RIF1: variants seen among roughly 807,000 people sequenced by gnomAD.
RIF1 encodes replication timing regulatory factor 1.
A neutral mutation model predicts 247.1 loss-of-function variants in RIF1; 45 were observed. The ratio of observed to expected loss-of-function variants is 0.18; its 90% CI spans 0.14 to 0.23. The LOEUF is 0.23. Among genes scored for constraint, RIF1 ranks in the 10% least tolerant of loss-of-function variants. The pLI is 1.00. For synonymous variants in RIF1, 1,087 were observed against 978.8 expected, an observed-to-expected ratio of 1.11 and a Z score of -2.06; for missense variants, 2,967 against 2,862.5, an observed-to-expected ratio of 1.04 and a Z score of -0.83.
chr2:151,420,505 G>A, intron 7 of RIF1, 126 bp downstream of exon 7: 1 of 840,356 alleles, frequency 1.2e-6, no homozygotes, highest in Non-Finnish European at 1.8e-6. Flanking sequence ...GGAGGCTGAG[G>A]TGGGAGGATT....
the RIF1 span, chr2:151,527,599 G>A: frequency 6.3e-7 from 1 of 1,589,564 alleles, no homozygotes; most frequent in Non-Finnish European, 8.6e-7. Context: ...TTTTTAACAG[G>A]AGAGAAAGGA....
At chr2:151,493,244 T>C (rs2057947794) in intron 9 of RIF1, 3 of 882,828 alleles carry the variant, frequency 3.4e-6, no homozygotes, top group South Asian at 1.7e-5. Flanking sequence ...ATTTTTCTCT[T>C]TTAAAATTTT....
intron 3 of RIF1, 56 bp downstream of exon 3, chr2:151,411,394 T>G: frequency 8.1e-7 from 1 of 1,230,872 alleles, no homozygotes; most frequent in Non-Finnish European, 1.2e-6. Context: ...TTTTTTTTTT[T>G]GGTTTTGTTT....
the RIF1 span, chr2:151,526,320 T>C: frequency 8.7e-7 from 1 of 1,145,482 alleles, no homozygotes; most frequent in South Asian, 1.3e-5. Flanking sequence ...TACATATTTT[T>C]ATTACACCCT....
At chr2:151,417,339 A>G (rs1287046046) in intron 6 of RIF1, among the ~76,000 whole-genome samples, 1 of 152,080 alleles carries the variant, frequency 6.6e-6, no homozygotes, top group Non-Finnish European at 1.5e-5. Flanking sequence ...CTTTGATGAC[A>G]TTTCTGTCTT....
intron 7 of RIF1, among the ~76,000 whole-genome samples, chr2:151,422,625 G>A (rs938454817): frequency 4.6e-5 from 7 of 151,566 alleles, no homozygotes; most frequent in South Asian, 2.1e-4. Flanking sequence ...TCAGCCTCCC[G>A]AGTAGCAGGA....
the RIF1 span, among the ~76,000 whole-genome samples, chr2:151,514,068 A>G: frequency 6.6e-6 from 1 of 151,894 alleles, no homozygotes. Context: ...AAATATATCA[A>G]GTTAAATCAA....
intron 12 of RIF1, among the ~76,000 whole-genome samples, chr2:151,503,675 T>A (rs1460624257): frequency 1.3e-5 from 2 of 152,176 alleles, no homozygotes; most frequent in African/African-American, 4.8e-5. Flanking sequence ...TGTAACCACT[T>A]AGTGCATGCC....
At chr2:151,497,948 T>C in intron 10 of RIF1, 3 of 1,427,926 alleles carry the variant, frequency 2.1e-6, no homozygotes, top group Admixed American at 5.9e-5. Flanking sequence ...ATCCATGTTA[T>C]TTTTTTTCAT....
Position 151,468,458 on chromosome 2 carries a change from C to G in RIF1, c.6748-16C>G. On this transcript the variant is annotated splice_polypyrimidine_tract_variant and intron_variant, in intron 31 of 35. Coordinates refer to ENST00000444746, the MANE Select transcript of RIF1 (RefSeq NM_018151.5). ...TAGGGTTCTGAGTGTTTTTTTCTCT[C>G]CTTTCTTCTATCTAGCATAATACCA... 6.3e-7 allele frequency: 1 copy of G among 1,597,852 alleles called. No homozygotes were observed. Among genetic ancestry groups the G allele is most frequent in the Non-Finnish European group, 8.6e-7 (1 of 1,166,118 alleles).
At chr2:151,436,701 A>G (rs988308789) in intron 11 of RIF1, 126 bp from the exon 12 acceptor site, 1 of 673,970 alleles carries the variant, frequency 1.5e-6, no homozygotes, top group Admixed American at 3.4e-5. Context: ...ATTTCAAGGT[A>G]TGGATTAATG....
In RIF1 at chr2:151,492,188, C is replaced by T. The variant is rs764260738; in HGVS notation, c.*416-3041C>T. The T allele has an allele frequency of 7.4e-6, 12 of 1,613,858 alleles. No individual in the cohort carries two copies. In the South Asian group the frequency reaches 1.3e-4, roughly 18 times the overall value. ...CCTCGGTAGTTAATGTCACTGAAGT[C>T]CTGCATGTTCTTCTTTACTCGTTCA... On this transcript the variant is annotated intron_variant and NMD_transcript_variant, in intron 9 of 13. Transcript: ENST00000454583.
chr2:151,519,556 A>T, the RIF1 span: 1 of 849,678 alleles, frequency 1.2e-6, no homozygotes, highest in Middle Eastern at 3.5e-4. Context: ...CAGTAGTTGG[A>T]TAATATTGTG....
At chr2:151,469,921 T>A in intron 34 of RIF1, 57 bp downstream of exon 34, 2 of 1,302,942 alleles carry the variant, frequency 1.5e-6, no homozygotes, top group Admixed American at 4.8e-5. Flanking sequence ...GCAGTACAGT[T>A]ACAGAAGTTT....
intron 11 of RIF1, chr2:151,501,514 C>G: frequency 7.9e-7 from 1 of 1,269,168 alleles, no homozygotes. Flanking sequence ...AACAAATCAA[C>G]CTGGACCCAT....
chr2:151,433,324 T>A (rs1573960805), intron 10 of RIF1, 96 bp downstream of exon 10: 7 of 949,196 alleles, frequency 7.4e-6, no homozygotes, highest in Admixed American at 2.4e-5. Flanking sequence ...TTTTGCTATT[T>A]ATTAGCAGAC....
intron 34 of RIF1, 133 bp from the exon 35 acceptor site, chr2:151,473,831 A>G: frequency 1.5e-6 from 1 of 652,328 alleles, no homozygotes; most frequent in Non-Finnish European, 2.8e-6. Flanking sequence ...TTAGCTCTTA[A>G]TTGTGATGGG....
At position 151,416,596 on chromosome 2, in the gene RIF1, G is replaced by A. The variant is rs1481195812; in HGVS notation, c.316G>A (p.Asp106Asn). The A allele has an allele frequency of 6.2e-7, 1 of 1,605,482 alleles. No individual in the cohort carries two copies. The highest frequency in any genetic ancestry group is 1.1e-5 in the South Asian group (1 of 89,004). The change falls in exon 5 of 36, where the codon GAT becomes AAT. Residue 106 changes from aspartate (D) to asparagine (N), a missense_variant. Coordinates refer to ENST00000444746, the MANE Select transcript of RIF1 (RefSeq NM_018151.5). ...NALELLSKLN[D>N]TIKNSDKNVR... ...TCTAGAATTGCTTTCAAAATTGAATGATACCATTAAGAATTCAGACAAAAA... is the reference window on the plus strand; with the variant it reads ...TCTAGAATTGCTTTCAAAATTGAATAATACCATTAAGAATTCAGACAAAAA...
At chr2:151,462,351 A>C in intron 28 of RIF1, 29 bp downstream of exon 28, 2 of 1,490,166 alleles carry the variant, frequency 1.3e-6, no homozygotes, top group Non-Finnish European at 1.8e-6. Context: ...AAACTTTTAT[A>C]TCTGTTTTAT....
Sources: gnomAD v4.1 joint callset for allele counts (sites outside exome capture counted in the v4.1 genomes callset) on GRCh38, gnomAD v4.1.1 for gene constraint, MANE v1.5 for transcripts, NCBI Gene and HGNC (gene_info 2026-07-23, HGNC 2026-07-21) for gene names.